The following COG5 variants were observed in gnomAD, a reference collection of about 807,000 sequenced individuals.
The protein encoded by COG5 is conserved oligomeric Golgi complex subunit 5.
In COG5, 86 loss-of-function variants were observed where a neutral mutation model predicts 110.4. The ratio of observed to expected loss-of-function variants is 0.78; its 90% CI spans 0.65 to 0.93. The LOEUF is 0.93. Ranked by LOEUF, COG5 falls within the 40% of genes least tolerant of loss-of-function variation. COG5 has a pLI of 0.00. For synonymous variants in COG5, 360 were observed against 334.6 expected, an observed-to-expected ratio of 1.08 and a Z score of -0.83; for missense variants, 1,077 against 987.0, an observed-to-expected ratio of 1.09 and a Z score of -1.22.
At chr7:107,239,355 T>C (rs762496006) in intron 17 of COG5, among the ~76,000 whole-genome samples, 52 of 152,234 alleles carry the variant, frequency 3.4e-4, no homozygotes, top group Non-Finnish European at 6.6e-4. Flanking sequence ...AATCATCATG[T>C]AGCTCTGTAA....
chr7:107,540,389 T>C (rs977400448), intron 5 of COG5, among the ~76,000 whole-genome samples: 1 of 150,056 alleles, frequency 6.7e-6, no homozygotes, highest in African/African-American at 2.5e-5. Flanking sequence ...CTAGGCAACA[T>C]GGTGAGACTC....
At chr7:107,348,828 T>C (rs1451504471) in intron 10 of COG5, among the ~76,000 whole-genome samples, 1 of 152,146 alleles carries the variant, frequency 6.6e-6, no homozygotes, top group Admixed American at 6.5e-5. Flanking sequence ...CATTTTCCTA[T>C]GTAACCATAG....
chr7:107,343,345 A>G (rs1007585967), intron 10 of COG5, among the ~76,000 whole-genome samples: 14 of 152,322 alleles, frequency 9.2e-5, no homozygotes, highest in African/African-American at 2.9e-4. Context: ...ACATGAATTT[A>G]AAATCTAAGT....
intron 5 of COG5, among the ~76,000 whole-genome samples, chr7:107,530,622 A>AAAAAAAT (rs1801136675): frequency 6.6e-6 from 1 of 151,232 alleles, no homozygotes; most frequent in Admixed American, 6.6e-5. Flanking sequence ...AAAAAAAAAA[A>AAAAAAAT]AAAACACAGT....
rs189761303 is a variant in COG5, at chr7:107,508,213, C to T, written c.538+19024G>A. On this transcript the variant is annotated intron_variant, in intron 6 of 21. Transcript: ENST00000297135. ...CACTTTTCCAATGGGCTTAAAAAAA[C>T]GGCACACCAGGGGATTATATCCCGC... 8.8e-4 allele frequency among the ~76,000 whole-genome samples: 134 copies of T among 152,336 alleles called. 1 individual carries two copies. Among genetic ancestry groups the T allele is most frequent in the African/African-American group, 1.4e-3 (58 of 41,582 alleles).
intron 12 of COG5, among the ~76,000 whole-genome samples, chr7:107,288,907 G>GATATATATATATATATAT (rs60313728): frequency 1.1e-5 from 1 of 94,150 alleles, no homozygotes; most frequent in Non-Finnish European, 2.1e-5. Flanking sequence ...TTCTAACAGA[G>GATATATATATATATATAT]ATATATATAT....
intron 7 of COG5, among the ~76,000 whole-genome samples, chr7:107,393,424 C>T (rs1401643083): frequency 6.6e-6 from 1 of 152,202 alleles, no homozygotes; most frequent in East Asian, 1.9e-4. Context: ...ATCAATAACA[C>T]CTTATGAGTA....
intron 11 of COG5, among the ~76,000 whole-genome samples, chr7:107,323,733 T>C (rs1809514828): frequency 6.6e-6 from 1 of 152,046 alleles, no homozygotes; most frequent in African/African-American, 2.4e-5. Flanking sequence ...GGGAGGGCAG[T>C]GGCTAAATAA....
At chr7:107,424,426 C>T (rs1212034338) in intron 6 of COG5, among the ~76,000 whole-genome samples, 1 of 150,640 alleles carries the variant, frequency 6.6e-6, no homozygotes, top group African/African-American at 2.4e-5. Flanking sequence ...TTTCTCAGGC[C>T]TATAAATATA....
chr7:107,309,001 A>G (rs564785430), intron 11 of COG5, among the ~76,000 whole-genome samples: 1 of 142,880 alleles, frequency 7.0e-6, no homozygotes, highest in East Asian at 2.0e-4. Context: ...TCATGGAATT[A>G]TGGTTTTTTA....
intron 10 of COG5, among the ~76,000 whole-genome samples, chr7:107,349,693 T>G (rs1388219247): frequency 4.6e-5 from 7 of 152,122 alleles, no homozygotes; most frequent in Non-Finnish European, 7.4e-5. Flanking sequence ...AAGTAGCTGG[T>G]ACTACAGGCG....
chr7:107,539,900 CTT>C (rs1355343386), intron 5 of COG5, among the ~76,000 whole-genome samples: 5 of 152,102 alleles, frequency 3.3e-5, no homozygotes, highest in Admixed American at 3.3e-4. Flanking sequence ...GGTCTGTGAT[CTT>C]TGAGAGAAAC....
intron 12 of COG5, among the ~76,000 whole-genome samples, chr7:107,285,525 C>T (rs1317187711): frequency 6.6e-6 from 1 of 152,130 alleles, no homozygotes; most frequent in East Asian, 1.9e-4. Flanking sequence ...TACTAGGGGG[C>T]TTCCAAATTT....
intron 18 of COG5, 85 bp downstream of exon 18, chr7:107,236,365 A>T: frequency 9.7e-7 from 1 of 1,031,050 alleles, no homozygotes; most frequent in Non-Finnish European, 1.5e-6. Context: ...ACTCTTTAAA[A>T]ACACCGATGA....
intron 6 of COG5, among the ~76,000 whole-genome samples, chr7:107,499,011 T>C (rs1407812051): frequency 6.6e-6 from 1 of 152,174 alleles, no homozygotes. Flanking sequence ...TGGATGAATC[T>C]TATGGATATT....
At chr7:107,328,835 T>C (rs1031736037) in intron 10 of COG5, among the ~76,000 whole-genome samples, 5 of 152,168 alleles carry the variant, frequency 3.3e-5, no homozygotes, top group Admixed American at 3.3e-4. Context: ...ATTATTATTA[T>C]TTTAAGACGG....
chr7:107,342,968 A>T (rs1442234997), intron 10 of COG5, among the ~76,000 whole-genome samples: 2 of 152,218 alleles, frequency 1.3e-5, no homozygotes, highest in Admixed American at 6.5e-5. Flanking sequence ...GAATCAACCT[A>T]GGTGCCCATC....
intron 7 of COG5, among the ~76,000 whole-genome samples, chr7:107,376,037 A>G (rs893712787): frequency 6.6e-6 from 1 of 152,038 alleles, no homozygotes; most frequent in Non-Finnish European, 1.5e-5. Flanking sequence ...TTCTACATGA[A>G]TACCCAATTG....
chr7:107,489,564 TCCAAGAAAACAAGTTCAC>T (rs976851044), intron 6 of COG5, among the ~76,000 whole-genome samples: 15 of 152,078 alleles, frequency 9.9e-5, no homozygotes, highest in African/African-American at 3.6e-4. Context: ...AAAGTGAAAG[TCCAAGAAAACAAGTTCAC>T]CCATTGTTAA....
Sources: allele counts gnomAD v4.1 joint callset (sites outside exome capture counted in the v4.1 genomes callset), GRCh38; gene constraint gnomAD v4.1.1; transcripts MANE v1.5; gene names NCBI Gene and HGNC (gene_info 2026-07-23, HGNC 2026-07-21).